RANBP2: variants seen among roughly 807,000 people sequenced by gnomAD.
RANBP2 encodes the protein RAN binding protein 2, also known as E3 SUMO-protein ligase RanBP2.
In RANBP2, 57 loss-of-function variants were observed where a neutral mutation model predicts 303.6. That is an observed-to-expected ratio of 0.19 (90% CI 0.15 to 0.23). The LOEUF is 0.23. Among genes scored for constraint, RANBP2 ranks in the 10% least tolerant of loss-of-function variants. RANBP2 has a pLI of 1.00. For synonymous variants in RANBP2, 1,167 were observed against 1,301.5 expected (o/e 0.90, Z 2.23); for missense variants, 3,138 against 3,780.8 (o/e 0.83, Z 4.46).
At chr2:109,585,230 A>G in the RANBP2 span, 1 of 1,612,882 alleles carries the variant, frequency 6.2e-7, no homozygotes, top group Non-Finnish European at 8.5e-7. Flanking sequence ...CTTTAAGTTT[A>G]ACATTTGGGC....
chr2:109,655,148 G>A, the RANBP2 span, among the ~76,000 whole-genome samples: 1 of 152,108 alleles, frequency 6.6e-6, no homozygotes, highest in Non-Finnish European at 1.5e-5. Context: ...TGATCCACCC[G>A]CCTCAGCCTC....
the RANBP2 span, chr2:108,798,736 C>G: frequency 3.4e-5 from 18 of 530,772 alleles, no homozygotes; most frequent in Non-Finnish European, 6.6e-6. Flanking sequence ...CACACACACA[C>G]ACACTTTTTC....
At chr2:109,486,905 G>A in the RANBP2 span, among the ~76,000 whole-genome samples, 2 of 152,320 alleles carry the variant, frequency 1.3e-5, no homozygotes, top group South Asian at 2.1e-4. Flanking sequence ...CAAACGAGAC[G>A]TTTTGTTCCT....
the RANBP2 span, among the ~76,000 whole-genome samples, chr2:109,712,714 G>A: frequency 6.6e-6 from 1 of 152,178 alleles, no homozygotes; most frequent in African/African-American, 2.4e-5. Flanking sequence ...TTACAGGTGT[G>A]AGCCACCAAG....
the RANBP2 span, among the ~76,000 whole-genome samples, chr2:109,393,861 T>C: frequency 6.6e-6 from 1 of 151,196 alleles, no homozygotes; most frequent in African/African-American, 2.5e-5. Context: ...CATGACTGGC[T>C]TGCCAATCTT....
chr2:109,644,030 A>G, the RANBP2 span, among the ~76,000 whole-genome samples: 1 of 151,652 alleles, frequency 6.6e-6, no homozygotes, highest in Non-Finnish European at 1.5e-5. Context: ...CTGAGGCAGG[A>G]GAGTCGCTTG....
At chr2:109,615,213 T>C in the RANBP2 span, 10 of 1,546,608 alleles carry the variant, frequency 6.5e-6, no homozygotes, top group Middle Eastern at 1.8e-4. Context: ...CGGGGGCGAC[T>C]CAGACAGCGC....
chr2:109,625,065 A>G, the RANBP2 span, among the ~76,000 whole-genome samples: 1 of 144,096 alleles, frequency 6.9e-6, no homozygotes, highest in South Asian at 2.2e-4. Context: ...CTGGTGACAC[A>G]TCTCAACAAC....
chr2:109,277,608 G>C, the RANBP2 span, among the ~76,000 whole-genome samples: 1 of 152,150 alleles, frequency 6.6e-6, no homozygotes, highest in Non-Finnish European at 1.5e-5. Flanking sequence ...ACTCCTCCGC[G>C]TGCGTAGCTC....
the RANBP2 span, chr2:108,804,930 G>A: frequency 6.4e-7 from 1 of 1,566,318 alleles, no homozygotes; most frequent in South Asian, 1.2e-5. Flanking sequence ...AAGTTCTTAA[G>A]GAAAAGAATA....
At chr2:109,365,824 G>A in the RANBP2 span, among the ~76,000 whole-genome samples, 3 of 152,230 alleles carry the variant, frequency 2.0e-5, no homozygotes, top group South Asian at 2.1e-4. Flanking sequence ...TCCTGCCATC[G>A]CAGGTATCCA....
the RANBP2 span, chr2:109,141,622 G>A: frequency 1.3e-5 from 2 of 154,904 alleles, no homozygotes; most frequent in African/African-American, 4.8e-5. Flanking sequence ...TGTGAATTTA[G>A]GGTGCAGATC....
chr2:109,170,234 CTTCTTTTCTT>C, the RANBP2 span, among the ~76,000 whole-genome samples: 1,181 of 65,542 alleles, frequency 0.018, 40 homozygotes, highest in African/African-American at 0.059. Context: ...CTTCTCTTCT[CTTCTTTTCTT>C]TTCTCTTCTC....
At chr2:109,576,705 T>G in the RANBP2 span, among the ~76,000 whole-genome samples, 2 of 152,232 alleles carry the variant, frequency 1.3e-5, no homozygotes, top group East Asian at 3.8e-4. Flanking sequence ...TCTATCTGAA[T>G]GTTTTGTCTT....
chr2:108,738,417 C>G (rs1177895136), intron 6 of RANBP2, among the ~76,000 whole-genome samples: 1 of 151,876 alleles, frequency 6.6e-6, no homozygotes, highest in Non-Finnish European at 1.5e-5. Context: ...CCTTGGCCTC[C>G]CAAAGTACTG....
the RANBP2 span, among the ~76,000 whole-genome samples, chr2:109,692,355 G>A: frequency 4.7e-4 from 71 of 152,290 alleles, no homozygotes; most frequent in Non-Finnish European, 7.9e-4. Context: ...GGGTAATAAA[G>A]TGTTCTAAAG....
At chr2:109,134,853 CAG>C in the RANBP2 span, among the ~76,000 whole-genome samples, 1 of 152,190 alleles carries the variant, frequency 6.6e-6, no homozygotes, top group Non-Finnish European at 1.5e-5. Context: ...ACAGAGTGCA[CAG>C]AGCAGTGTGG....
the RANBP2 span, among the ~76,000 whole-genome samples, chr2:109,374,344 C>T: frequency 1.8e-4 from 28 of 152,268 alleles, no homozygotes; most frequent in East Asian, 7.7e-4. Context: ...TACAGGCTCC[C>T]GGACTCTCAG....
chr2:109,075,550 T>A, the RANBP2 span, among the ~76,000 whole-genome samples: 9 of 47,534 alleles, frequency 1.9e-4, no homozygotes, highest in Admixed American at 7.6e-4. Context: ...TTAAAAAAGG[T>A]AAATAAAATC....
Sources: allele counts gnomAD v4.1 joint callset (sites outside exome capture counted in the v4.1 genomes callset), GRCh38; gene constraint gnomAD v4.1.1; transcripts MANE v1.5; gene names NCBI Gene and HGNC (gene_info 2026-07-23, HGNC 2026-07-21).